Variants in SEC14L6 observed in about 807,000 individuals in gnomAD.
The protein encoded by SEC14L6 is SEC14-like protein 6.
SEC14L6 carries 40 observed loss-of-function variants against 54.1 expected under a neutral mutation model. The observed-to-expected ratio is 0.74, with a 90% CI of 0.57 to 0.96. The LOEUF (loss-of-function observed/expected upper bound fraction) is 0.96. SEC14L6 is among the 40% of genes least tolerant of loss of function. The pLI, the probability that SEC14L6 is intolerant of heterozygous loss-of-function variation, is 0.00. For missense variants in SEC14L6, 471 were observed against 498.3 expected, an observed-to-expected ratio of 0.95 and a Z score of 0.52; for synonymous variants, 171 against 198.4, an observed-to-expected ratio of 0.86 and a Z score of 1.16.
chr22:30,537,469 A>G (rs896347817), intron 2 of SEC14L6, among the ~76,000 whole-genome samples: 2 of 152,052 alleles, frequency 1.3e-5, no homozygotes, highest in Non-Finnish European at 2.9e-5. Context: ...ATACACAAAA[A>G]TTAGCCAGGC....
At chr22:30,528,119 CTT>C (rs1201756831) in intron 8 of SEC14L6, among the ~76,000 whole-genome samples, 9 of 117,694 alleles carry the variant, frequency 7.6e-5, no homozygotes, top group East Asian at 2.5e-4. Flanking sequence ...ACCTAGATTT[CTT>C]TTTTTTTTTT....
In SEC14L6 at chr22:30,546,704, G is replaced by A. The variant is rs1208980395; in HGVS notation, c.-22C>T. 1 of 1,548,960 alleles carries A rather than the reference G, an allele frequency of 6.5e-7. No homozygotes were observed. The highest frequency in any genetic ancestry group is 8.7e-7 in the Non-Finnish European group (1 of 1,145,768). On this transcript the variant is annotated 5_prime_UTR_variant, in exon 1 of 12. Coordinates refer to ENST00000402034, the MANE Select transcript of SEC14L6 (RefSeq NM_001193336.4). ...TCATGCTGCCCATGAATGGGTCCAG[G>A]CTCCACTCTGTGGCTCCCTCCAGGT...
rs1051720622 is a variant in SEC14L6 at position 30,524,111 on chromosome 22, A to T, written c.*886T>A. On this transcript the variant is annotated 3_prime_UTR_variant, in exon 12 of 12. Transcript: ENST00000402034. ...TCCACGGAGCCTGCTGAAATTATTC[A>T]AACTAGCAAATCTCAAGCCTGCTTA... 1.3e-5 allele frequency: 2 copies of T among 152,200 alleles called. No homozygotes were observed. The highest frequency in any genetic ancestry group is 4.8e-5 in the African/African-American group (2 of 41,448). The allele number at this position is 152,200 out of a possible 1,614,324, so 9.4% of individuals were successfully genotyped here. A position where few individuals can be genotyped will look rare whatever the true frequency, so the allele number is the denominator to read the frequency against.
chr22:30,532,149 A>T, intron 5 of SEC14L6, 151 bp from the exon 6 acceptor site: 1 of 985,412 alleles, frequency 1.0e-6, no homozygotes, highest in Non-Finnish European at 1.2e-6. Flanking sequence ...ATCCCACAGG[A>T]TGCCAGGACC....
chr22:30,526,847 G>T (rs1033989867), intron 8 of SEC14L6, among the ~76,000 whole-genome samples: 12 of 152,206 alleles, frequency 7.9e-5, no homozygotes, highest in African/African-American at 2.9e-4. Context: ...TGTAATTCCA[G>T]CACTTCAGGA....
At chr22:30,529,052 C>T in intron 8 of SEC14L6, 35 bp downstream of exon 8, 1 of 1,503,838 alleles carries the variant, frequency 6.6e-7, no homozygotes, top group Non-Finnish European at 9.1e-7. Context: ...GCTCAGGATC[C>T]AGGCTGGAAA....
At position 30,529,637 on chromosome 22, in the gene SEC14L6, T is replaced by A. The variant is rs373657391; in HGVS notation, c.520-288A>T. Among the ~76,000 whole-genome samples, 28 of 152,280 alleles carry A rather than the reference T, an allele frequency of 1.8e-4. No homozygotes were observed. The South Asian group carries it at 5.6e-3, about 30-fold the overall frequency. On this transcript the variant is annotated intron_variant, in intron 6 of 11. Transcript: ENST00000402034. The stretch of plus-strand genomic sequence containing the variant: ...CTTATTTTATTTTCTAGAGATGGGG[T>A]CTTGCTATATTGCCCAGGCTGGTCT...
At chr22:30,529,784 T>C (rs1423094456) in intron 6 of SEC14L6, among the ~76,000 whole-genome samples, 2 of 152,104 alleles carry the variant, frequency 1.3e-5, no homozygotes, top group Non-Finnish European at 2.9e-5. Context: ...GATAACTCTA[T>C]TCATGACAGG....
chr22:30,543,603 T>C (rs576693053), intron 1 of SEC14L6: 1 of 1,613,588 alleles, frequency 6.2e-7, no homozygotes. Context: ...GCAAAAGCCA[T>C]GACCTGAAGG....
At chr22:30,526,989 T>C (rs2146242692) in intron 8 of SEC14L6, among the ~76,000 whole-genome samples, 1 of 152,208 alleles carries the variant, frequency 6.6e-6, no homozygotes. Context: ...TGCCAGCTAC[T>C]CAGGAGGCTG....
intron 7 of SEC14L6, 32 bp from the exon 8 acceptor site, chr22:30,529,202 C>T (rs111277292): frequency 6.2e-5 from 96 of 1,549,578 alleles, no homozygotes; most frequent in African/African-American, 3.7e-4. Context: ...CTCCCTCAGG[C>T]GGCTGGCTGG....
At chr22:30,546,104 C>T (rs1046910547) in intron 1 of SEC14L6, among the ~76,000 whole-genome samples, 3 of 148,174 alleles carry the variant, frequency 2.0e-5, no homozygotes, top group Admixed American at 6.8e-5. Flanking sequence ...TCAAAAAGGC[C>T]GGGCATGGTG....
Position 30,525,712 on chromosome 22 carries a change from C to T in SEC14L6, c.810G>A (p.Leu270=). 4 of 1,613,934 alleles carry T rather than the reference C, an allele frequency of 2.5e-6. No homozygotes were observed. Reference sequence around the variant, plus strand: ...CATACTGCAGCCTCACCTGCTTGCACAGGTAGTAGCTCTTGGGCACCTCAC... The same window carrying T: ...CATACTGCAGCCTCACCTGCTTGCATAGGTAGTAGCTCTTGGGCACCTCAC... ...YGGEVPKSYY[L]CKQVRLQYEH... Residue 270 remains leucine, a synonymous_variant, in exon 10 of 12, where the codon CTG becomes CTA. Transcript: ENST00000402034.
In SEC14L6 at chr22:30,543,946, C is replaced by T. The variant is rs917650676; in HGVS notation, c.54+2683G>A. ...AGAGTATGCCAGCATTCAGACCAGC[C>T]TGCAGCCTGCGTCGGAGGACACCCT... On this transcript the variant is annotated intron_variant, in intron 1 of 11. Coordinates refer to ENST00000402034, the MANE Select transcript of SEC14L6 (RefSeq NM_001193336.4). The T allele has an allele frequency of 2.5e-6, 4 of 1,606,192 alleles. No homozygotes were observed. In the African/African-American group the frequency reaches 5.3e-5, roughly 21 times the overall value.
Position 30,543,280 on chromosome 22 carries a change from G to A in SEC14L6, c.54+3349C>T, listed in dbSNP as rs1252359751. 5.0e-6 allele frequency: 8 copies of A among 1,584,828 alleles called. No individual in the cohort carries two copies. The East Asian group carries it at 8.9e-5, about 18-fold the overall frequency. On this transcript the variant is annotated intron_variant, in intron 1 of 11. Transcript: ENST00000402034. Reference sequence around the variant, plus strand: ...GGTGGCCCACGTCACCTTGCGGGGGGACTCTTTTCGTGGGACTGCCAACTT... The same window carrying A: ...GGTGGCCCACGTCACCTTGCGGGGGAACTCTTTTCGTGGGACTGCCAACTT...
chr22:30,535,416 T>C (rs1937112629), intron 2 of SEC14L6, among the ~76,000 whole-genome samples: 1 of 152,200 alleles, frequency 6.6e-6, no homozygotes, highest in Non-Finnish European at 1.5e-5. Flanking sequence ...GGGGAGTAGT[T>C]CTCACATTGA....
At chr22:30,536,697 A>AAGG (rs904719830) in intron 2 of SEC14L6, among the ~76,000 whole-genome samples, 3 of 152,068 alleles carry the variant, frequency 2.0e-5, no homozygotes, top group African/African-American at 7.2e-5. Flanking sequence ...TGGGTTGAAC[A>AAGG]AGGAGGAGGA....
rs1937015413 is a variant in SEC14L6, at chr22:30,532,547, TC to T, written c.400del (p.Glu134SerfsTer17). The T allele has an allele frequency of 6.5e-7, 1 of 1,550,078 alleles. No individual in the cohort carries two copies. Among genetic ancestry groups the T allele is most frequent in the African/African-American group, 1.4e-5 (1 of 73,036 alleles). ...CACCTTCTGACTCTGCAGCTCACAC[TC>T]CCGCAGGAGCAGCTCGCAGCTCCGG... ...SFRSCELLLR[E>X]CELQSQKLGK... On this transcript the variant is annotated frameshift_variant, in exon 5 of 12. Transcript: ENST00000402034. LOFTEE classifies it high-confidence loss of function.
In SEC14L6 at chr22:30,528,422, C is replaced by CTTTTTTTTTTTTT. The variant is rs375073961; in HGVS notation, c.664+652_664+664dup. ...AGGCGTGAACCACCGCGCTCGGCCT[C>CTTTTTTTTTTTTT]TTTTTTTTTTTTTTTTTTTGAGATA... On this transcript the variant is annotated intron_variant, in intron 8 of 11. Transcript: ENST00000402034. Among the ~76,000 whole-genome samples the CTTTTTTTTTTTTT allele has an allele frequency of 2.4e-3, 257 of 105,470 alleles. 11 individuals carry two copies. Among genetic ancestry groups the CTTTTTTTTTTTTT allele is most frequent in the African/African-American group, 3.0e-3 (75 of 25,084 alleles). The allele number at this position is 105,470 out of a possible 152,430, so 69.2% of individuals were successfully genotyped here. A position where few individuals can be genotyped will look rare whatever the true frequency, so the allele number is the denominator to read the frequency against.
Sources: gnomAD v4.1 joint callset for allele counts (sites outside exome capture counted in the v4.1 genomes callset) on GRCh38, gnomAD v4.1.1 for gene constraint, MANE v1.5 for transcripts, NCBI Gene and HGNC (gene_info 2026-07-23, HGNC 2026-07-21) for gene names.